Variants in NDRG4 observed in about 807,000 individuals in gnomAD.
NDRG4 encodes NDRG family member 4.
In NDRG4, 38 loss-of-function variants were observed where a neutral mutation model predicts 55.8. That is an observed-to-expected ratio of 0.68 (90% CI 0.53 to 0.89). The LOEUF is 0.89. NDRG4 is among the 40% of genes least tolerant of loss of function. NDRG4 has a pLI of 0.00. For missense variants in NDRG4, 455 were observed against 468.6 expected, an observed-to-expected ratio of 0.97 and a Z score of 0.27; for synonymous variants, 190 against 182.7, an observed-to-expected ratio of 1.04 and a Z score of -0.32.
chr16:58,501,767 A>T (rs1454273501), intron 1 of NDRG4: 8 of 328,252 alleles, frequency 2.4e-5, no homozygotes, highest in Admixed American at 3.8e-5. Context: ...CCTCAGGGGG[A>T]TGGGGACAGG....
intron 5 of NDRG4, among the ~76,000 whole-genome samples, chr16:58,505,276 G>A (rs1304150465): frequency 6.6e-6 from 1 of 151,926 alleles, no homozygotes; most frequent in Non-Finnish European, 1.5e-5. Flanking sequence ...GTGAACCCGG[G>A]AGGCGGAGCT....
At chr16:58,494,556 C>T (rs1003306606) in intron 2 of NDRG4, among the ~76,000 whole-genome samples, 1 of 152,176 alleles carries the variant, frequency 6.6e-6, no homozygotes, top group East Asian at 1.9e-4. Context: ...ACCCTTGTGG[C>T]CTGTAAGATG....
chr16:58,487,202 T>C (rs2035196585), intron 1 of NDRG4, among the ~76,000 whole-genome samples: 2 of 152,224 alleles, frequency 1.3e-5, no homozygotes, highest in Non-Finnish European at 2.9e-5. Context: ...TTTTCTGTTT[T>C]ATTTGGAAAC....
chr16:58,471,405 C>T (rs1355904373), intron 1 of NDRG4, among the ~76,000 whole-genome samples: 1 of 151,990 alleles, frequency 6.6e-6, no homozygotes, highest in Non-Finnish European at 1.5e-5. Flanking sequence ...TGGAGTCTGC[C>T]AGCCTCGTTC....
chr16:58,490,319 C>G (rs756229495), intron 2 of NDRG4, among the ~76,000 whole-genome samples: 1 of 151,894 alleles, frequency 6.6e-6, no homozygotes, highest in Non-Finnish European at 1.5e-5. Context: ...TCCAGCAGGG[C>G]CCCCCAGTAC....
At position 58,464,470 on chromosome 16, in the gene NDRG4, A is replaced by G. The variant is rs1041334097; in HGVS notation, c.-24+673A>G. ...ACACCGGCTGGAGCTGCTCACAGGT[A>G]CCGCCCGCCTGCCCCGCAGCCGGCC... On this transcript the variant is annotated intron_variant, in intron 1 of 15. Coordinates refer to the NDRG4 transcript ENST00000258187. This position sits in a 1 kb window ranked among gnomAD's most constrained non-coding sequence, Gnocchi z 4.8. 3 of 1,321,636 alleles carry G rather than the reference A, an allele frequency of 2.3e-6. No homozygotes were observed. Among genetic ancestry groups the G allele is most frequent in the Non-Finnish European group, 1.9e-6 (2 of 1,035,274 alleles). The allele number at this position is 1,321,636 out of a possible 1,614,324, so 81.9% of individuals were successfully genotyped here.
intron 5 of NDRG4, among the ~76,000 whole-genome samples, chr16:58,505,723 T>C (rs1005469972): frequency 5.3e-5 from 7 of 131,692 alleles, no homozygotes; most frequent in East Asian, 2.2e-4. Flanking sequence ...CTTTTTTTTT[T>C]TTTTTTTTTT....
intron 1 of NDRG4, among the ~76,000 whole-genome samples, chr16:58,486,926 C>T (rs1383860498): frequency 1.3e-5 from 2 of 152,072 alleles, no homozygotes; most frequent in African/African-American, 2.4e-5. Flanking sequence ...GCCTGCCACA[C>T]CACCAGGGCC....
At position 58,492,795 on chromosome 16, in the gene NDRG4, A is replaced by G. The variant is rs994236247; in HGVS notation, c.73-2169A>G. Among the ~76,000 whole-genome samples, 3 of 151,906 alleles carry G rather than the reference A, an allele frequency of 2.0e-5. No homozygotes were observed. In the East Asian group the frequency reaches 5.8e-4, roughly 29 times the overall value. ...CCCTCTTAAGGTCCCGAGTATAGAC[A>G]TCTCCCCTTCCTTCTCCTCAGCCCG... On this transcript the variant is annotated intron_variant, in intron 2 of 15. Coordinates refer to the NDRG4 transcript ENST00000258187.
At position 58,506,592 on chromosome 16, in the gene NDRG4, T is replaced by G. The variant is rs1302399415; in HGVS notation, c.494T>G (p.Val165Gly). Residue 165 changes from valine to glycine, a missense_variant, in exon 7 of 15, where the codon GTG becomes GGG. Val to Gly is a moderately radical substitution (Grantham distance 109). Coordinates refer to ENST00000570248, the MANE Select transcript of NDRG4 (RefSeq NM_001242835.2). ...CTAACTAGCACTTTACCCGACACGG[T>G]GCTCTCCCACCTCTTCAGCCAGGTA... ...SGLTSTLPDT[V>G]LSHLFSQEEL... 1.3e-6 allele frequency: 2 copies of G among 1,569,762 alleles called. No individual in the cohort carries two copies. The highest frequency in any genetic ancestry group is 1.7e-6 in the Non-Finnish European group (2 of 1,160,600).
chr16:58,502,243 C>T (rs114771136), intron 1 of NDRG4: 25 of 337,052 alleles, frequency 7.4e-5, no homozygotes, highest in African/African-American at 4.3e-4. Flanking sequence ...TGGTCAGTGG[C>T]GGGGAAGTGT....
intron 14 of NDRG4, chr16:58,510,917 AGAGC>A (rs2038719813): frequency 1.7e-6 from 1 of 591,330 alleles, no homozygotes; most frequent in Non-Finnish European, 3.0e-6. Context: ...CGTGGCTTCC[AGAGC>A]TCTGGGGATA....
chr16:58,484,255 C>G (rs1037056586), intron 1 of NDRG4, among the ~76,000 whole-genome samples: 2 of 152,060 alleles, frequency 1.3e-5, no homozygotes, highest in Non-Finnish European at 2.9e-5. Context: ...TGCCTGTAAT[C>G]CCAACTACTT....
At chr16:58,482,677 C>CTTCCTCCCTCCCTTCT (rs2034561749) in intron 1 of NDRG4, among the ~76,000 whole-genome samples, 3 of 134,782 alleles carry the variant, frequency 2.2e-5, no homozygotes, top group Non-Finnish European at 4.5e-5. Flanking sequence ...CCCTCCCTTC[C>CTTCCTCCCTCCCTTCT]TTCCTCCCTC....
At chr16:58,502,062 G>C (rs1421325964) in intron 1 of NDRG4, 1 of 455,414 alleles carries the variant, frequency 2.2e-6, no homozygotes, top group Middle Eastern at 3.4e-4. Flanking sequence ...GATCTCCTGT[G>C]AACATGCAGC....
intron 14 of NDRG4, chr16:58,511,048 C>G (rs979220953): frequency 5.9e-5 from 28 of 471,366 alleles, no homozygotes; most frequent in African/African-American, 5.4e-4. Context: ...TTGTGAAACT[C>G]TGAATTAGGG....
chr16:58,475,551 A>G (rs1202140884), intron 1 of NDRG4: 6 of 452,988 alleles, frequency 1.3e-5, no homozygotes, highest in Middle Eastern at 4.5e-4. Context: ...AGCTGTGTGT[A>G]ACAGAAAACC....
At position 58,512,459 on chromosome 16, in the gene NDRG4, C is replaced by CT. The variant is rs1279451633; in HGVS notation, c.*889dup. Reference sequence around the variant, plus strand: ...GGGGTAGCTGAGTTCCTGGAGACCCCTTTTTTGCCCCCAGGTTCCCCAGAG... The same window carrying CT: ...GGGGTAGCTGAGTTCCTGGAGACCCCTTTTTTTGCCCCCAGGTTCCCCAGAG... On this transcript the variant is annotated 3_prime_UTR_variant, in exon 15 of 15. Transcript: ENST00000570248. 1 of 244,818 alleles carries CT rather than the reference C, an allele frequency of 4.1e-6. No individual in the cohort carries two copies. Among genetic ancestry groups the CT allele is most frequent in the South Asian group, 4.2e-5 (1 of 24,024 alleles). 15.2% of individuals were successfully genotyped at this position (244,818 alleles called of 1,614,324 possible).
intron 14 of NDRG4, 97 bp from the exon 15 acceptor site, chr16:58,511,325 A>G: frequency 2.2e-6 from 3 of 1,375,378 alleles, no homozygotes; most frequent in Non-Finnish European, 2.9e-6. Flanking sequence ...CCTTCGAGGA[A>G]CGGTTCGCTG....
Sources: allele counts gnomAD v4.1 joint callset (sites outside exome capture counted in the v4.1 genomes callset), GRCh38; gene constraint gnomAD v4.1.1; non-coding constraint Gnocchi (gnomAD v3.1); transcripts MANE v1.5; gene names NCBI Gene and HGNC (gene_info 2026-07-23, HGNC 2026-07-21).